The following GRID2 variants were observed in gnomAD, a reference collection of about 807,000 sequenced individuals.
GRID2 encodes the protein glutamate receptor ionotropic, delta-2.
A neutral mutation model predicts 114.8 loss-of-function variants in GRID2; 33 were observed. The observed-to-expected ratio is 0.29, with a 90% CI of 0.22 to 0.38. The LOEUF is 0.38. Among genes scored for constraint, GRID2 ranks in the 10% least tolerant of loss-of-function variants. The pLI is 1.00. For synonymous variants in GRID2, 505 were observed against 449.9 expected (o/e 1.12, Z -1.55); for missense variants, 1,184 against 1,257.7 (o/e 0.94, Z 0.89).
intron 2 of GRID2, among the ~76,000 whole-genome samples, chr4:93,042,305 A>ATT (rs1367006975): frequency 9.5e-6 from 1 of 104,982 alleles, no homozygotes; most frequent in East Asian, 2.5e-4. Context: ...CTCTCTATAT[A>ATT]TATATATATA....
chr4:92,374,240 C>T (rs1729251211), intron 1 of GRID2, among the ~76,000 whole-genome samples: 1 of 152,006 alleles, frequency 6.6e-6, no homozygotes, highest in South Asian at 2.1e-4. Context: ...AAGCCTAGTA[C>T]CTAAAGGCTT....
chr4:92,599,028 C>CTTTTTTTTTT (rs79836874), intron 2 of GRID2, among the ~76,000 whole-genome samples: 1 of 115,290 alleles, frequency 8.7e-6, no homozygotes, highest in Non-Finnish European at 1.8e-5. Context: ...AATGCTTTTC[C>CTTTTTTTTTT]TTTTTTTTTT....
intron 4 of GRID2, among the ~76,000 whole-genome samples, chr4:93,111,195 GA>G (rs1284233377): frequency 6.6e-6 from 1 of 152,144 alleles, no homozygotes; most frequent in Non-Finnish European, 1.5e-5. Context: ...ACAATTTTAA[GA>G]AGTCTTATAG....
At chr4:92,670,072 A>G (rs1732983699) in intron 2 of GRID2, among the ~76,000 whole-genome samples, 1 of 152,050 alleles carries the variant, frequency 6.6e-6, no homozygotes, top group East Asian at 1.9e-4. Flanking sequence ...CTACTGTAAA[A>G]TAATGTGAAT....
chr4:93,007,741 G>A (rs1440740897), intron 2 of GRID2, among the ~76,000 whole-genome samples: 1 of 151,896 alleles, frequency 6.6e-6, no homozygotes, highest in Non-Finnish European at 1.5e-5. Context: ...TCAAACTAAT[G>A]GATAAAGAAA....
intron 14 of GRID2, among the ~76,000 whole-genome samples, 155 bp from the exon 15 acceptor site, chr4:93,769,055 T>C (rs1263647092): frequency 6.6e-6 from 1 of 152,236 alleles, no homozygotes; most frequent in Non-Finnish European, 1.5e-5. Flanking sequence ...GATGACTTTC[T>C]GTTTCCTAGC....
At chr4:93,403,736 G>A (rs140952359) in intron 9 of GRID2, among the ~76,000 whole-genome samples, 52 of 152,226 alleles carry the variant, frequency 3.4e-4, no homozygotes, top group African/African-American at 1.2e-3. Context: ...ACAAATGTTG[G>A]CAAGGATGTT....
intron 2 of GRID2, among the ~76,000 whole-genome samples, chr4:92,690,589 A>C (rs542494642): frequency 4.1e-4 from 62 of 152,326 alleles, no homozygotes; most frequent in African/African-American, 1.4e-3. Flanking sequence ...TGCTTGACGC[A>C]GGGTTGCCAC....
chr4:92,851,802 T>C (rs1743823492), intron 2 of GRID2, among the ~76,000 whole-genome samples: 1 of 151,918 alleles, frequency 6.6e-6, no homozygotes, highest in South Asian at 2.1e-4. Context: ...AACACCTAAG[T>C]TCCTGCCTAC....
At chr4:93,235,970 T>C (rs1005539298) in intron 7 of GRID2, among the ~76,000 whole-genome samples, 3 of 152,068 alleles carry the variant, frequency 2.0e-5, no homozygotes, top group African/African-American at 7.2e-5. Context: ...TGATATCTTT[T>C]TCGTATAAAT....
chr4:93,150,583 G>A (rs910384817), intron 4 of GRID2, among the ~76,000 whole-genome samples: 1 of 152,074 alleles, frequency 6.6e-6, no homozygotes, highest in African/African-American at 2.4e-5. Flanking sequence ...GCTGGGGAGA[G>A]TTATTGGGCC....
At chr4:93,403,138 G>A (rs1051863047) in intron 9 of GRID2, among the ~76,000 whole-genome samples, 4 of 152,154 alleles carry the variant, frequency 2.6e-5, no homozygotes, top group Admixed American at 1.3e-4. Flanking sequence ...GGGCTCCTTC[G>A]GAGGAGTTAA....
intron 2 of GRID2, among the ~76,000 whole-genome samples, chr4:92,849,118 A>G (rs1743562458): frequency 6.6e-6 from 1 of 151,960 alleles, no homozygotes. Flanking sequence ...TACCATCACC[A>G]TGCCATTTAC....
At chr4:92,435,217 A>G (rs142786538) in intron 1 of GRID2, among the ~76,000 whole-genome samples, 22 of 152,292 alleles carry the variant, frequency 1.4e-4, no homozygotes, top group African/African-American at 4.6e-4. Flanking sequence ...AGGGTTGATA[A>G]GATCCTTGGG....
At chr4:93,315,514 CATAAA>C (rs961210654) in intron 8 of GRID2, among the ~76,000 whole-genome samples, 3 of 152,046 alleles carry the variant, frequency 2.0e-5, no homozygotes, top group African/African-American at 7.2e-5. Flanking sequence ...CACAATCTAA[CATAAA>C]ATAAAATTTC....
chr4:93,688,052 G>T (rs1726227608), intron 14 of GRID2, among the ~76,000 whole-genome samples: 1 of 151,890 alleles, frequency 6.6e-6, no homozygotes, highest in Admixed American at 6.6e-5. Flanking sequence ...AACTGGGTTG[G>T]ATGGCAGGAA....
At chr4:92,478,506 C>G (rs1722425551) in intron 1 of GRID2, among the ~76,000 whole-genome samples, 1 of 152,040 alleles carries the variant, frequency 6.6e-6, no homozygotes, top group Non-Finnish European at 1.5e-5. Context: ...TCTTTAGTGT[C>G]TTCCCTAGCA....
At chr4:93,679,094 A>C (rs1214153635) in intron 14 of GRID2, among the ~76,000 whole-genome samples, 1 of 151,196 alleles carries the variant, frequency 6.6e-6, no homozygotes, top group Non-Finnish European at 1.5e-5. Flanking sequence ...TCTACCAAGC[A>C]AATGGAAAAT....
At chr4:93,608,401 G>A (rs867502144) in intron 13 of GRID2, among the ~76,000 whole-genome samples, 9 of 140,708 alleles carry the variant, frequency 6.4e-5, no homozygotes, top group Non-Finnish European at 9.2e-5. Context: ...ATGCTGGTGC[G>A]CTGCACCCAC....
Sources: allele counts gnomAD v4.1 joint callset (sites outside exome capture counted in the v4.1 genomes callset), GRCh38; gene constraint gnomAD v4.1.1; transcripts MANE v1.5; gene names NCBI Gene and HGNC (gene_info 2026-07-23, HGNC 2026-07-21).